The following TCF7L1 variants were observed in gnomAD, a reference collection of about 807,000 sequenced individuals.
The protein encoded by TCF7L1 is transcription factor 7 like 1.
TCF7L1 carries 18 observed loss-of-function variants against 63.7 expected under a neutral mutation model. The ratio of observed to expected loss-of-function variants is 0.28; its 90% CI spans 0.20 to 0.42. The LOEUF is 0.42. Among genes scored for constraint, TCF7L1 ranks in the 10% least tolerant of loss-of-function variants. The pLI, the probability that TCF7L1 is intolerant of heterozygous loss-of-function variation, is 1.00. For missense variants in TCF7L1, 654 were observed against 779.3 expected (o/e 0.84, Z 1.91); for synonymous variants, 355 against 340.9 (o/e 1.04, Z -0.46).
chr2:85,184,645 C>CT, intron 3 of TCF7L1, among the ~76,000 whole-genome samples: 1 of 152,238 alleles, frequency 6.6e-6, no homozygotes, highest in Middle Eastern at 3.4e-3. Context: ...TCAACCTACC[C>CT]TTTTCTTGGC....
chr2:85,261,025 A>G (rs1680845560), intron 3 of TCF7L1, among the ~76,000 whole-genome samples: 1 of 151,906 alleles, frequency 6.6e-6, no homozygotes, highest in African/African-American at 2.4e-5. Flanking sequence ...CCTGTCTGCC[A>G]TTTCTCATTA....
rs58706474 is a variant in TCF7L1 at position 85,204,291 on chromosome 2, T to TCC, written c.441+69854_441+69855dup. On this transcript the variant is annotated intron_variant, in intron 3 of 11. Coordinates refer to ENST00000282111, the MANE Select transcript of TCF7L1 (RefSeq NM_031283.3). ...TGTTATTTCTATTTGATAACTTGCT[T>TCC]CCCCCCCCCCCCCCACTTAATAGGG... 2.5e-3 allele frequency among the ~76,000 whole-genome samples: 56 copies of TCC among 22,034 alleles called. 3 individuals are homozygous for TCC. Among genetic ancestry groups the TCC allele is most frequent in the Admixed American group, 4.6e-3 (7 of 1,526 alleles). 14.5% of individuals were successfully genotyped at this position (22,034 alleles called of 152,430 possible).
At chr2:85,308,905 AAT>A in intron 11 of TCF7L1, 122 bp from the exon 12 acceptor site, 1 of 1,108,368 alleles carries the variant, frequency 9.0e-7, no homozygotes, top group Non-Finnish European at 1.3e-6. Context: ...CCTTGGAAGT[AAT>A]GTCAGGTCCT....
chr2:85,178,244 C>A (rs1678723838), intron 3 of TCF7L1, among the ~76,000 whole-genome samples: 1 of 152,236 alleles, frequency 6.6e-6, no homozygotes, highest in Non-Finnish European at 1.5e-5. Flanking sequence ...ACACACTTTT[C>A]AGAATTTCCT....
chr2:85,181,960 G>A (rs1160451443), intron 3 of TCF7L1, among the ~76,000 whole-genome samples: 9 of 152,274 alleles, frequency 5.9e-5, no homozygotes, highest in African/African-American at 2.2e-4. Context: ...GCAGAACTTT[G>A]CGTAAAACTG....
intron 3 of TCF7L1, among the ~76,000 whole-genome samples, chr2:85,223,898 C>T (rs868065768): frequency 5.9e-5 from 9 of 152,284 alleles, no homozygotes; most frequent in Middle Eastern, 6.8e-3. Context: ...ATCAACTTGT[C>T]ATTTACATTA....
intron 3 of TCF7L1, among the ~76,000 whole-genome samples, chr2:85,222,139 CGAGACCAGCCT>C (rs1374980680): frequency 6.6e-6 from 1 of 151,886 alleles, no homozygotes; most frequent in Non-Finnish European, 1.5e-5. Context: ...GTCAGGAGTT[CGAGACCAGCCT>C]GACCAACATG....
chr2:85,234,014 CTG>C (rs1680141135), intron 3 of TCF7L1: 1 of 151,672 alleles, frequency 6.6e-6, no homozygotes, highest in Non-Finnish European at 1.5e-5. Flanking sequence ...ATGTATATAA[CTG>C]TTATAAATAG....
chr2:85,145,863 TA>T (rs1423739491), intron 3 of TCF7L1, among the ~76,000 whole-genome samples: 1 of 152,188 alleles, frequency 6.6e-6, no homozygotes, highest in Non-Finnish European at 1.5e-5. Context: ...TATTTTATTT[TA>T]TTTTATTTTT....
intron 3 of TCF7L1, among the ~76,000 whole-genome samples, chr2:85,208,924 C>T (rs2104286918): frequency 6.6e-6 from 1 of 152,294 alleles, no homozygotes; most frequent in South Asian, 2.1e-4. Flanking sequence ...GGTTCAGCCT[C>T]ATTTGTATGT....
intron 3 of TCF7L1, among the ~76,000 whole-genome samples, chr2:85,267,353 A>G (rs1361986798): frequency 1.4e-5 from 2 of 142,738 alleles, no homozygotes; most frequent in East Asian, 2.1e-4. Flanking sequence ...AAAAAAAAAA[A>G]GAGTTGGCCT....
chr2:85,232,346 T>A (rs1263330514), intron 3 of TCF7L1, among the ~76,000 whole-genome samples: 1 of 152,202 alleles, frequency 6.6e-6, no homozygotes, highest in African/African-American at 2.4e-5. Flanking sequence ...CATTTCTTTT[T>A]AATCATATTT....
At chr2:85,174,519 A>C (rs1678631336) in intron 3 of TCF7L1, among the ~76,000 whole-genome samples, 1 of 152,132 alleles carries the variant, frequency 6.6e-6, no homozygotes, top group Non-Finnish European at 1.5e-5. Context: ...GAGGCTCAGC[A>C]ATGGTACATG....
chr2:85,142,688 C>A (rs1677775014), intron 3 of TCF7L1, among the ~76,000 whole-genome samples: 1 of 151,940 alleles, frequency 6.6e-6, no homozygotes. Flanking sequence ...TTATTTCTCC[C>A]AAACCGGATT....
At chr2:85,225,877 AG>A (rs1161664503) in intron 3 of TCF7L1, among the ~76,000 whole-genome samples, 1 of 152,152 alleles carries the variant, frequency 6.6e-6, no homozygotes, top group African/African-American at 2.4e-5. Context: ...GAATGCTTCT[AG>A]TTTTTGCTCA....
intron 5 of TCF7L1, 94 bp from the exon 6 acceptor site, chr2:85,303,801 C>A (rs753954005): frequency 3.2e-6 from 3 of 940,348 alleles, no homozygotes; most frequent in Non-Finnish European, 3.3e-6. Flanking sequence ...CTCCAGAGCA[C>A]CAGGGACATA....
chr2:85,300,410 AC>A (rs1188922061), intron 4 of TCF7L1, among the ~76,000 whole-genome samples: 2 of 152,182 alleles, frequency 1.3e-5, no homozygotes, highest in Non-Finnish European at 1.5e-5. Flanking sequence ...ATCTTCAAAA[AC>A]GAGTAATTGG....
At chr2:85,268,053 A>T (rs1681023406) in intron 3 of TCF7L1, among the ~76,000 whole-genome samples, 1 of 152,220 alleles carries the variant, frequency 6.6e-6, no homozygotes, top group African/African-American at 2.4e-5. Context: ...TTTTTTAATA[A>T]TGTATTAACT....
chr2:85,289,677 A>G (rs1314786222), intron 4 of TCF7L1, among the ~76,000 whole-genome samples: 5 of 152,108 alleles, frequency 3.3e-5, no homozygotes, highest in Admixed American at 6.5e-5. Flanking sequence ...GATGGTTTCC[A>G]GTTGTTTGTT....
Sources: allele counts gnomAD v4.1 joint callset (sites outside exome capture counted in the v4.1 genomes callset), GRCh38; gene constraint gnomAD v4.1.1; transcripts MANE v1.5; gene names NCBI Gene and HGNC (gene_info 2026-07-23, HGNC 2026-07-21).